Variants in DTWD2 observed in about 807,000 individuals in gnomAD.
DTWD2 encodes DTW motif tRNA-uridine aminocarboxypropyltransferase 2.
Under a neutral mutation model 31.8 loss-of-function variants are expected in DTWD2, and 39 were observed. The observed-to-expected ratio is 1.22, with a 90% CI of 0.95 to 1.60. The LOEUF (loss-of-function observed/expected upper bound fraction) is 1.60. Among genes scored for constraint, DTWD2 ranks in the 40% most tolerant of loss-of-function variants. The probability of loss-of-function intolerance (pLI) is 0.00; values close to 1 mark genes in which losing one functional copy is unlikely to be tolerated. For missense variants in DTWD2, 515 were observed against 381.5 expected, an observed-to-expected ratio of 1.35 and a Z score of -2.92; for synonymous variants, 180 against 142.8, an observed-to-expected ratio of 1.26 and a Z score of -1.86.
intron 3 of DTWD2, among the ~76,000 whole-genome samples, chr5:118,932,167 CACAACAACAACAAAA>C (rs1753938601): frequency 6.6e-6 from 1 of 151,664 alleles, no homozygotes; most frequent in Non-Finnish European, 1.5e-5. Context: ...TCCTTAAAAA[CACAACAACAACAAAA>C]ACAACAACAA....
At chr5:118,919,655 A>C (rs73239060) in intron 4 of DTWD2, among the ~76,000 whole-genome samples, 10,513 of 152,268 alleles carry the variant, frequency 0.069, 1,165 homozygotes, top group African/African-American at 0.23. Flanking sequence ...TATAAGGTTC[A>C]TAACAAGGGA....
At chr5:118,895,114 AT>A (rs1330207783) in intron 4 of DTWD2, among the ~76,000 whole-genome samples, 2 of 152,184 alleles carry the variant, frequency 1.3e-5, no homozygotes, top group Non-Finnish European at 2.9e-5. Flanking sequence ...TTTAAAAAAA[AT>A]CTAAAGACTC....
intron 4 of DTWD2, among the ~76,000 whole-genome samples, chr5:118,928,042 G>A (rs1753846026): frequency 6.6e-6 from 1 of 152,012 alleles, no homozygotes; most frequent in Non-Finnish European, 1.5e-5. Flanking sequence ...CCAATATTAA[G>A]AAAGGTGTCT....
At chr5:118,970,132 G>GA (rs1754951405) in intron 1 of DTWD2, among the ~76,000 whole-genome samples, 1 of 152,138 alleles carries the variant, frequency 6.6e-6, no homozygotes, top group Non-Finnish European at 1.5e-5. Flanking sequence ...CAAGAATAGA[G>GA]AAAAAAGAAT....
At chr5:118,883,078 C>G (rs1467848312) in intron 4 of DTWD2, among the ~76,000 whole-genome samples, 2 of 152,218 alleles carry the variant, frequency 1.3e-5, no homozygotes, top group African/African-American at 2.4e-5. Flanking sequence ...AGAATACCTA[C>G]ATCCTGAATG....
intron 4 of DTWD2, among the ~76,000 whole-genome samples, chr5:118,885,772 A>T (rs1237042110): frequency 1.3e-5 from 2 of 151,194 alleles, no homozygotes; most frequent in African/African-American, 4.8e-5. Flanking sequence ...GTATTTAAAA[A>T]AAAAAATAAA....
rs1752879094 is a variant in DTWD2, at chr5:118,886,861, G to T, written c.598-38643C>A. 2.6e-5 allele frequency among the ~76,000 whole-genome samples: 4 copies of T among 152,194 alleles called. No homozygotes were observed. In the South Asian group the frequency reaches 8.3e-4, roughly 32 times the overall value. ...AAATAGATTAGGATTTCATTTTTAA[G>T]CATAATTTCAGTAAGAAAATGTAAT... On this transcript the variant is annotated intron_variant, in intron 4 of 5. Transcript: ENST00000510708.
rs1396988216 is a variant in DTWD2 at position 118,849,306 on chromosome 5, C to T, written c.598-1088G>A. Among the ~76,000 whole-genome samples the T allele has an allele frequency of 2.0e-5, 3 of 152,232 alleles. No homozygotes were observed. In the East Asian group the frequency reaches 5.8e-4, roughly 29 times the overall value. The stretch of plus-strand genomic sequence containing the variant: ...ATCATCACTGGTCATTAGAGAAATA[C>T]AAATCAAAACCACAATGAGATACCA... On this transcript the variant is annotated intron_variant, in intron 4 of 5. Coordinates refer to ENST00000510708, the MANE Select transcript of DTWD2 (RefSeq NM_173666.4).
chr5:118,856,917 T>C (rs7709381), intron 4 of DTWD2, among the ~76,000 whole-genome samples: 54,708 of 151,038 alleles, frequency 0.36, 12,111 homozygotes, highest in African/African-American at 0.63. Context: ...AGATTACAGG[T>C]ACCTGCCACC....
At chr5:118,985,517 T>TACACAC (rs1260597928) in intron 1 of DTWD2, among the ~76,000 whole-genome samples, 8 of 107,728 alleles carry the variant, frequency 7.4e-5, no homozygotes, top group African/African-American at 2.6e-4. Flanking sequence ...TATATATATA[T>TACACAC]ACACACACAT....
chr5:118,906,241 G>A (rs544331612), intron 4 of DTWD2, among the ~76,000 whole-genome samples: 11 of 152,228 alleles, frequency 7.2e-5, no homozygotes, highest in Non-Finnish European at 1.6e-4. Flanking sequence ...ATAAACTACT[G>A]GTAGGAGTGT....
At chr5:118,906,640 A>C (rs1408634501) in intron 4 of DTWD2, among the ~76,000 whole-genome samples, 1 of 152,228 alleles carries the variant, frequency 6.6e-6, no homozygotes, top group Non-Finnish European at 1.5e-5. Context: ...ATAAAATTCA[A>C]ACTAATCGAT....
In DTWD2 at chr5:118,838,086, C is replaced by T. The variant is rs1305639235; in HGVS notation, c.*2831G>A. 1 of 152,156 alleles carries T rather than the reference C, an allele frequency of 6.6e-6. No individual in the cohort carries two copies. The highest frequency in any genetic ancestry group is 1.5e-5 in the Non-Finnish European group (1 of 68,024). 9.4% of individuals were successfully genotyped at this position (152,156 alleles called of 1,614,324 possible). ...TATAATTCTCCTATTCCACATAAGT[C>T]TTATAATCCAACCTGTAGAAAGTTG... On this transcript the variant is annotated 3_prime_UTR_variant, in exon 6 of 6. Coordinates refer to ENST00000510708, the MANE Select transcript of DTWD2 (RefSeq NM_173666.4).
Position 118,928,728 on chromosome 5 carries a change from C to G in DTWD2, c.406G>C (p.Asp136His). ...KIGRRFSEERDPELSTVCRKS... is the reference protein window; with the variant it reads ...KIGRRFSEERHPELSTVCRKS... ...CGGCAAACAGTTGAAAGTTCAGGAT[C>G]TCTGAAAAAGTTTTTTAAAAATATA... Residue 136 changes from aspartate to histidine, a missense_variant and splice_region_variant, in exon 4 of 6, where the codon GAT (aspartate) becomes CAT (histidine). Asp to His is a moderately conservative substitution (Grantham distance 81, BLOSUM62 -1). Transcript: ENST00000510708. 1 of 1,547,180 alleles carries G rather than the reference C, an allele frequency of 6.5e-7. No individual in the cohort carries two copies. Among genetic ancestry groups the G allele is most frequent in the Non-Finnish European group, 8.7e-7 (1 of 1,150,746 alleles).
At chr5:118,893,364 A>C (rs1753016141) in intron 4 of DTWD2, among the ~76,000 whole-genome samples, 1 of 151,142 alleles carries the variant, frequency 6.6e-6, no homozygotes, top group African/African-American at 2.4e-5. Flanking sequence ...CAGTCTCAAA[A>C]AAAAAAAAAA....
rs560603133 is a variant in DTWD2, at chr5:118,925,706, G to C, written c.597+2831C>G. Among the ~76,000 whole-genome samples the C allele has an allele frequency of 2.6e-5, 4 of 151,862 alleles. No homozygotes were observed. In the South Asian group the frequency reaches 8.3e-4, roughly 32 times the overall value. On this transcript the variant is annotated intron_variant, in intron 4 of 5. Coordinates refer to ENST00000510708, the MANE Select transcript of DTWD2 (RefSeq NM_173666.4). ...TAAAAATACAAAAAATTAGCCGGGC[G>C]CAGTGGCGGGTACCTGTAGTCCCAG... is the stretch of plus-strand genomic sequence containing the variant.
chr5:118,868,865 G>A (rs573135535), intron 4 of DTWD2, among the ~76,000 whole-genome samples: 2 of 151,214 alleles, frequency 1.3e-5, no homozygotes, highest in Non-Finnish European at 3.0e-5. Context: ...AAAAAAGATG[G>A]GGTGGGAGGG....
At chr5:118,906,315 T>A (rs930372218) in intron 4 of DTWD2, among the ~76,000 whole-genome samples, 1 of 152,118 alleles carries the variant, frequency 6.6e-6, no homozygotes, top group African/African-American at 2.4e-5. Flanking sequence ...AAAATGCACC[T>A]ACCACAGAAT....
rs767114150 is a variant in DTWD2, at chr5:118,840,873, T to G, written c.*44A>C. The stretch of plus-strand genomic sequence containing the variant: ...ACTATATGAAAACTTAATTTGGTAT[T>G]GTTAGATGAAGACAGTTAAGCTAGC... On this transcript the variant is annotated 3_prime_UTR_variant, in exon 6 of 6. Transcript: ENST00000510708. 4 of 1,581,456 alleles carry G rather than the reference T, an allele frequency of 2.5e-6. No homozygotes were observed. The highest frequency in any genetic ancestry group is 3.4e-6 in the Non-Finnish European group (4 of 1,165,076).
Sources: allele counts gnomAD v4.1 joint callset (sites outside exome capture counted in the v4.1 genomes callset), GRCh38; gene constraint gnomAD v4.1.1; transcripts MANE v1.5; gene names NCBI Gene and HGNC (gene_info 2026-07-23, HGNC 2026-07-21).